Variants in NRXN1 observed in about 807,000 individuals in gnomAD.
The protein encoded by NRXN1 is neurexin 1.
A neutral mutation model predicts 150.9 loss-of-function variants in NRXN1; 39 were observed. That is an observed-to-expected ratio of 0.26 (90% CI 0.20 to 0.34). NRXN1 has a LOEUF of 0.34. NRXN1 is among the 10% of genes least tolerant of loss of function. NRXN1 has a pLI of 1.00. For missense variants in NRXN1, 1,815 were observed against 1,949.9 expected (o/e 0.93, Z 1.30); for synonymous variants, 924 against 757.0 (o/e 1.22, Z -3.62).
chr2:49,987,872 T>A (rs1336022707), intron 21 of NRXN1, among the ~76,000 whole-genome samples: 1 of 152,080 alleles, frequency 6.6e-6, no homozygotes, highest in Non-Finnish European at 1.5e-5. Flanking sequence ...CAGGCAATAT[T>A]TTAAGGTCTA....
chr2:50,198,901 G>A (rs1360123369), intron 18 of NRXN1, among the ~76,000 whole-genome samples: 2 of 152,094 alleles, frequency 1.3e-5, no homozygotes, highest in Non-Finnish European at 1.5e-5. Flanking sequence ...CTCCAAAGAG[G>A]AAAGGCCTAA....
chr2:50,919,322 T>G (rs1437718676), intron 5 of NRXN1: 1 of 151,714 alleles, frequency 6.6e-6, no homozygotes, highest in Non-Finnish European at 1.5e-5. Flanking sequence ...AGAAAGGACT[T>G]GAGAGGAGGA....
At chr2:50,749,347 T>G (rs3901491) in intron 5 of NRXN1, among the ~76,000 whole-genome samples, 29,937 of 152,018 alleles carry the variant, frequency 0.2, 3,334 homozygotes, top group Non-Finnish European at 0.26. Context: ...TGCTCTATGT[T>G]AGAATCTAAA....
At chr2:50,661,314 C>T (rs1212007363) in intron 5 of NRXN1, among the ~76,000 whole-genome samples, 1 of 152,006 alleles carries the variant, frequency 6.6e-6, no homozygotes, top group Admixed American at 6.6e-5. Context: ...GTCTGTGGTC[C>T]TACTTTTAGA....
chr2:50,026,867 T>TC (rs1688394188), intron 21 of NRXN1, among the ~76,000 whole-genome samples: 1 of 29,692 alleles, frequency 3.4e-5, no homozygotes, highest in African/African-American at 1.1e-4. Flanking sequence ...TTCTTTTTTT[T>TC]TTTTTTTTTT....
At chr2:50,230,948 T>C (rs114066446) in intron 18 of NRXN1, among the ~76,000 whole-genome samples, 2,698 of 152,150 alleles carry the variant, frequency 0.018, 82 homozygotes, top group African/African-American at 0.061. Flanking sequence ...TTACAATACA[T>C]GGTGAAAAGG....
intron 18 of NRXN1, among the ~76,000 whole-genome samples, chr2:50,194,285 G>A (rs950251620): frequency 5.9e-5 from 9 of 152,134 alleles, no homozygotes; most frequent in South Asian, 2.1e-4. Context: ...CTTGAGAGCT[G>A]CAGCAGTTGA....
chr2:50,240,708 G>C (rs975224493), intron 17 of NRXN1, among the ~76,000 whole-genome samples: 4 of 151,662 alleles, frequency 2.6e-5, no homozygotes, highest in African/African-American at 9.7e-5. Context: ...GACCTTGGTA[G>C]CCATTTATTC....
intron 22 of NRXN1, among the ~76,000 whole-genome samples, chr2:49,942,844 A>C (rs1672239947): frequency 6.6e-6 from 1 of 152,218 alleles, no homozygotes; most frequent in African/African-American, 2.4e-5. Flanking sequence ...TCCTGACCGC[A>C]AGTGATCTGC....
intron 21 of NRXN1, among the ~76,000 whole-genome samples, chr2:49,957,849 C>T (rs1171270494): frequency 6.6e-6 from 1 of 152,120 alleles, no homozygotes; most frequent in African/African-American, 2.4e-5. Flanking sequence ...CCTGGCTCTC[C>T]ATCCAGTTGG....
At chr2:50,312,713 G>T (rs754678192) in intron 17 of NRXN1, 19 of 514,772 alleles carry the variant, frequency 3.7e-5, no homozygotes, top group Non-Finnish European at 2.3e-5. Context: ...ACTAGAAAAT[G>T]CTTCTATCAG....
chr2:50,662,573 T>C (rs1687447612), intron 5 of NRXN1, among the ~76,000 whole-genome samples: 1 of 142,718 alleles, frequency 7.0e-6, no homozygotes, highest in Non-Finnish European at 1.6e-5. Context: ...TAAAACACTA[T>C]GAGTTTTTTT....
intron 17 of NRXN1, among the ~76,000 whole-genome samples, chr2:50,337,931 G>A (rs1429374475): frequency 6.6e-6 from 1 of 152,204 alleles, no homozygotes; most frequent in Non-Finnish European, 1.5e-5. Context: ...AATACCTTGT[G>A]TATTAACACA....
intron 21 of NRXN1, among the ~76,000 whole-genome samples, chr2:49,958,629 A>G (rs2104526246): frequency 6.6e-6 from 1 of 152,242 alleles, no homozygotes; most frequent in South Asian, 2.1e-4. Flanking sequence ...GCGAACTTAC[A>G]CAGATGTAGC....
At chr2:50,647,396 T>C (rs150451374) in intron 5 of NRXN1, among the ~76,000 whole-genome samples, 201 of 152,066 alleles carry the variant, frequency 1.3e-3, no homozygotes, top group African/African-American at 4.6e-3. Flanking sequence ...AAACTATCTA[T>C]GGAACTGAAA....
intron 17 of NRXN1, among the ~76,000 whole-genome samples, chr2:50,445,251 C>A (rs1336377918): frequency 6.6e-6 from 1 of 152,106 alleles, no homozygotes; most frequent in Non-Finnish European, 1.5e-5. Context: ...AAAATAAATT[C>A]CATATATTTT....
intron 22 of NRXN1, among the ~76,000 whole-genome samples, chr2:49,941,400 C>T (rs906114814): frequency 6.6e-6 from 1 of 151,490 alleles, no homozygotes. Context: ...CTACCTTCTT[C>T]CTCCACCATC....
chr2:50,139,641 T>C (rs978081655), intron 18 of NRXN1, among the ~76,000 whole-genome samples: 1 of 152,088 alleles, frequency 6.6e-6, no homozygotes, highest in African/African-American at 2.4e-5. Context: ...CCAGTAATGA[T>C]CCAGTTTAAT....
At chr2:50,904,070 C>G (rs1352107889) in intron 5 of NRXN1, among the ~76,000 whole-genome samples, 1 of 152,080 alleles carries the variant, frequency 6.6e-6, no homozygotes, top group Non-Finnish European at 1.5e-5. Context: ...ACTCTTAAGC[C>G]CCAGCAGTGG....
Sources: allele counts gnomAD v4.1 joint callset (sites outside exome capture counted in the v4.1 genomes callset), GRCh38; gene constraint gnomAD v4.1.1; transcripts MANE v1.5; gene names NCBI Gene and HGNC (gene_info 2026-07-23, HGNC 2026-07-21).